The following CDH9 variants were observed in gnomAD, a reference collection of about 807,000 sequenced individuals.
CDH9 encodes cadherin-9.
CDH9 carries 28 observed loss-of-function variants against 70.9 expected under a neutral mutation model. The observed-to-expected ratio is 0.40, with a 90% CI of 0.29 to 0.54. The LOEUF is 0.54. Ranked by LOEUF, CDH9 falls within the 20% of genes least tolerant of loss-of-function variation. The pLI is 0.59. For missense variants in CDH9, 874 were observed against 984.4 expected, an observed-to-expected ratio of 0.89 and a Z score of 1.50; for synonymous variants, 409 against 343.1, an observed-to-expected ratio of 1.19 and a Z score of -2.12.
intron 2 of CDH9, among the ~76,000 whole-genome samples, chr5:26,922,938 A>G (rs1015730284): frequency 2.0e-5 from 3 of 151,734 alleles, no homozygotes; most frequent in Non-Finnish European, 4.4e-5. Context: ...ATGAGGTTAA[A>G]AAAAGAAAGG....
intron 2 of CDH9, among the ~76,000 whole-genome samples, chr5:26,936,220 C>T (rs1380526569): frequency 1.3e-5 from 2 of 151,960 alleles, no homozygotes; most frequent in Admixed American, 6.6e-5. Context: ...TAGCCAAAAC[C>T]GCCTGTATCC....
rs552146831 is a variant in CDH9 at position 26,915,631 on chromosome 5, G to A, written c.522C>T (p.Val174=). 2.3e-5 allele frequency: 36 copies of A among 1,566,724 alleles called. No individual in the cohort carries two copies. Among genetic ancestry groups the A allele is most frequent in the Admixed American group, 8.4e-5 (5 of 59,790 alleles). ...TTACATGGATTAGAATATACCTACCGACTCCAGACATTTCAGGAACACTGG... is the reference window on the plus strand; with the variant it reads ...TTACATGGATTAGAATATACCTACCAACTCCAGACATTTCAGGAACACTGG... ...YTASVPEMSG[V]GTSVIQVTAT... is the part of the protein sequence containing the mutation. The change falls in exon 3 of 12, where the codon GTC becomes GTT. Residue 174 remains valine (V), a splice_region_variant and synonymous_variant. Transcript: ENST00000231021.
chr5:26,998,480 A>C (rs975690551), intron 1 of CDH9, among the ~76,000 whole-genome samples: 1 of 151,090 alleles, frequency 6.6e-6, no homozygotes, highest in Non-Finnish European at 1.5e-5. Flanking sequence ...TCACAAGGAC[A>C]AAAAAAAACA....
chr5:26,922,540 CAA>C (rs1741263248), intron 2 of CDH9, among the ~76,000 whole-genome samples: 2 of 151,860 alleles, frequency 1.3e-5, no homozygotes. Context: ...CATAGACAAA[CAA>C]AAGTCAGGGG....
Position 26,903,719 on chromosome 5 carries a change from C to A in CDH9, c.917G>T (p.Ser306Ile), listed in dbSNP as rs749126177. 1.2e-6 allele frequency: 2 copies of A among 1,605,390 alleles called. No individual in the cohort carries two copies. The highest frequency in any genetic ancestry group is 1.7e-6 in the Non-Finnish European group (2 of 1,173,434). ...GTCTGCACCATCTCCTTCAGCAATG[C>A]TATACTCCATTTCTGCATTTTCCCC... ...DVGENAEMEY[S>I]IAEGDGADMF... is the part of the protein sequence containing the mutation. The change falls in exon 6 of 12, where the codon AGC (serine) becomes ATC (isoleucine). Residue 306 changes from serine to isoleucine, a missense_variant. Ser to Ile is a moderately radical substitution (Grantham distance 142). Coordinates refer to ENST00000231021, the MANE Select transcript of CDH9 (RefSeq NM_016279.4).
At chr5:27,017,055 C>A (rs537074489) in intron 1 of CDH9, among the ~76,000 whole-genome samples, 90 of 151,956 alleles carry the variant, frequency 5.9e-4, no homozygotes, top group African/African-American at 2.0e-3. Context: ...TCTTTCTATT[C>A]TTTCTATGTG....
intron 1 of CDH9, among the ~76,000 whole-genome samples, chr5:27,019,335 G>A (rs1364023009): frequency 6.6e-6 from 1 of 151,896 alleles, no homozygotes; most frequent in African/African-American, 2.4e-5. Flanking sequence ...ATTTTTGGAT[G>A]TTTTTTAAAA....
intron 1 of CDH9, among the ~76,000 whole-genome samples, chr5:27,009,778 A>G (rs993809307): frequency 9.9e-5 from 15 of 152,120 alleles, no homozygotes; most frequent in African/African-American, 3.6e-4. Flanking sequence ...GAAATGCCTT[A>G]TCTATTTGAC....
At chr5:26,911,401 TAGTGAAC>T in intron 3 of CDH9, among the ~76,000 whole-genome samples, 2 of 152,148 alleles carry the variant, frequency 1.3e-5, no homozygotes, top group African/African-American at 4.8e-5. Flanking sequence ...AATCCACACA[TAGTGAAC>T]CTCTGGGACA....
chr5:26,996,868 C>A (rs1288850366), intron 1 of CDH9, among the ~76,000 whole-genome samples: 1 of 151,798 alleles, frequency 6.6e-6, no homozygotes, highest in Non-Finnish European at 1.5e-5. Context: ...GGTATACTAT[C>A]TTTATCCAAA....
chr5:26,945,999 T>C (rs768665029), intron 2 of CDH9, among the ~76,000 whole-genome samples: 6 of 152,182 alleles, frequency 3.9e-5, no homozygotes, highest in African/African-American at 1.4e-4. Context: ...TCTTGAGTCA[T>C]GTAATTCTTT....
At chr5:26,971,779 A>C (rs1220205549) in intron 2 of CDH9, among the ~76,000 whole-genome samples, 2 of 152,102 alleles carry the variant, frequency 1.3e-5, no homozygotes, top group South Asian at 4.1e-4. Context: ...ACACACACAC[A>C]CACCCATATG....
intron 2 of CDH9, among the ~76,000 whole-genome samples, chr5:26,952,152 C>A (rs963444673): frequency 1.1e-4 from 17 of 149,826 alleles, no homozygotes; most frequent in Admixed American, 1.1e-3. Context: ...TTAGTAGAGA[C>A]GGGGTTTCAC....
chr5:26,988,316 A>T lies in CDH9; in HGVS notation c.18T>A (p.Tyr6Ter). Residue 6 changes from tyrosine (Y) to a stop codon, truncating the protein, a stop_gained, in exon 2 of 12, where the codon TAT (tyrosine) becomes TAA (stop). Transcript: ENST00000231021. LOFTEE classifies it high-confidence loss of function. MRTYH[Y>*]IPLFIWTYMF... is the part of the protein sequence containing the mutation. The stretch of plus-strand genomic sequence containing the variant: ...TATAGGTCCAGATGAATAATGGTAT[A>T]TAATGGTAAGTCCTCATTATCTGCA... 6.2e-7 allele frequency: 1 copy of T among 1,612,962 alleles called. No individual in the cohort carries two copies. The highest frequency in any genetic ancestry group is 8.5e-7 in the Non-Finnish European group (1 of 1,179,180).
At position 27,015,322 on chromosome 5, in the gene CDH9, T is replaced by A. The variant is rs567453909; in HGVS notation, c.-50+23141A>T. Among the ~76,000 whole-genome samples, 60 of 151,894 alleles carry A rather than the reference T, an allele frequency of 4.0e-4. 2 individuals are homozygous for A. In the South Asian group the frequency reaches 0.011, roughly 28 times the overall value. ...GATATTTATTAAGACTTTTTTTCTA[T>A]AAGAGGAAATCTAAAATGTAAAAAT... On this transcript the variant is annotated intron_variant, in intron 1 of 11. Coordinates refer to ENST00000231021, the MANE Select transcript of CDH9 (RefSeq NM_016279.4).
At position 26,890,466 on chromosome 5, in the gene CDH9, G is replaced by C. The variant is rs1296017977; in HGVS notation, c.1352C>G (p.Ser451Cys). The change falls in exon 8 of 12, where the codon TCT (serine) becomes TGT (cysteine). Residue 451 changes from serine to cysteine, a missense_variant. Ser to Cys is a moderately radical substitution (Grantham distance 112). Transcript: ENST00000231021. ...TGTAACAGTGATGTTATGCCAAGGA[G>C]ATGATTCCCGGTCAAGGGCTTTCAA... ...FTLKALDRES[S>C]PWHNITVTAT... 2.5e-6 allele frequency: 4 copies of C among 1,613,432 alleles called. No homozygotes were observed. Among genetic ancestry groups the C allele is most frequent in the Non-Finnish European group, 3.4e-6 (4 of 1,179,470 alleles).
chr5:26,963,051 C>T (rs1338845666), intron 2 of CDH9, among the ~76,000 whole-genome samples: 2 of 152,080 alleles, frequency 1.3e-5, no homozygotes, highest in South Asian at 2.1e-4. Flanking sequence ...TAAAAAATAA[C>T]CCATGTTAGC....
chr5:26,897,905 A>G (rs1003348550), intron 7 of CDH9, among the ~76,000 whole-genome samples: 1 of 152,200 alleles, frequency 6.6e-6, no homozygotes, highest in Admixed American at 6.5e-5. Context: ...AGATGACATG[A>G]TTGTATATTT....
At chr5:26,980,213 T>G (rs1742377026) in intron 2 of CDH9, among the ~76,000 whole-genome samples, 1 of 151,900 alleles carries the variant, frequency 6.6e-6, no homozygotes, top group African/African-American at 2.4e-5. Context: ...CACAAAATAG[T>G]CATGTACAAA....
Sources: allele counts gnomAD v4.1 joint callset (sites outside exome capture counted in the v4.1 genomes callset), GRCh38; gene constraint gnomAD v4.1.1; transcripts MANE v1.5; gene names NCBI Gene and HGNC (gene_info 2026-07-23, HGNC 2026-07-21).